Variants in ZNF518A observed in about 807,000 individuals in gnomAD.
The protein encoded by ZNF518A is zinc finger protein 518.
A neutral mutation model predicts 102.7 loss-of-function variants in ZNF518A; 47 were observed. The observed-to-expected ratio is 0.46, with a 90% CI of 0.36 to 0.58. The LOEUF is 0.58. Ranked by LOEUF, ZNF518A falls within the 20% of genes least tolerant of loss-of-function variation. ZNF518A has a pLI of 0.00. For synonymous variants in ZNF518A, 652 were observed against 594.6 expected (o/e 1.10, Z -1.40); for missense variants, 1,793 against 1,699.8 (o/e 1.05, Z -0.96).
At chr10:96,165,587 A>G (rs190288486), downstream of ZNF518A, among the ~76,000 whole-genome samples, 19 of 152,152 alleles carry the variant, frequency 1.2e-4, no homozygotes, top group African/African-American at 3.9e-4. Context: ...CATTTTTAGA[A>G]CTTTGTCCCC....
At position 96,156,348 on chromosome 10, in the gene ZNF518A, T is replaced by G; in HGVS notation, c.26T>G (p.Phe9Cys). The G allele has an allele frequency of 6.3e-7, 1 of 1,582,130 alleles. No homozygotes were observed. Among genetic ancestry groups the G allele is most frequent in the Non-Finnish European group, 8.6e-7 (1 of 1,169,416 alleles). ...ATGCCATCTGAACAGAAACAGTTAT[T>G]TTGTGATGAAAAACAAACTACTTTA... MPSEQKQL[F>C]CDEKQTTLKK... Residue 9 changes from phenylalanine to cysteine, a missense_variant, in exon 6 of 6, where the codon TTT becomes TGT. Physicochemically the swap from Phe to Cys is radical, Grantham distance 205. Transcript: ENST00000316045.
chr10:96,169,740 G>A (rs1554890706), intron 1 of ZNF518A, among the ~76,000 whole-genome samples: 2 of 152,002 alleles, frequency 1.3e-5, no homozygotes, highest in East Asian at 3.8e-4. Context: ...TTTTGTTGTT[G>A]AAGAATTTAA....
chr10:96,172,167 AAAAG>A (rs1235556152), intron 1 of ZNF518A, among the ~76,000 whole-genome samples: 12 of 149,038 alleles, frequency 8.1e-5, no homozygotes, highest in East Asian at 4.2e-4. Context: ...TTCACAGGAA[AAAAG>A]AAAGACATTA....
intron 3 of ZNF518A, among the ~76,000 whole-genome samples, chr10:96,150,791 G>GCC (rs2082414505): frequency 9.6e-6 from 1 of 104,624 alleles, no homozygotes; most frequent in Non-Finnish European, 1.7e-5. Context: ...CTGTCACTCA[G>GCC]CCTGGAGTGC....
In ZNF518A at chr10:96,146,363, A is replaced by T. The variant is rs1041955135; in HGVS notation, c.-301-8963A>T. Among the ~76,000 whole-genome samples, 3 of 152,204 alleles carry T rather than the reference A, an allele frequency of 2.0e-5. No homozygotes were observed. The South Asian group carries it at 6.2e-4, about 31-fold the overall frequency. ...TCCAGACTCTTTATGTATGTATTGCAAACTGTTCTTTATAAAGGTCATGCC... is the reference window on the plus strand; with the variant it reads ...TCCAGACTCTTTATGTATGTATTGCTAACTGTTCTTTATAAAGGTCATGCC... On this transcript the variant is annotated intron_variant, in intron 3 of 5. Transcript: ENST00000316045.
intron 3 of ZNF518A, 79 bp from the exon 4 acceptor site, chr10:96,155,247 A>G (rs1554881799): frequency 5.3e-5 from 8 of 152,186 alleles, no homozygotes; most frequent in Non-Finnish European, 1.2e-4. Context: ...ATATTTTTAC[A>G]TATATTTTCT....
chr10:96,186,765 A>G (rs1170696851), intron 1 of ZNF518A, among the ~76,000 whole-genome samples: 1 of 152,198 alleles, frequency 6.6e-6, no homozygotes, highest in Non-Finnish European at 1.5e-5. Flanking sequence ...AGTTCACACA[A>G]TCTGTTATTG....
At chr10:96,177,868 A>G (rs781967742) in intron 1 of ZNF518A, among the ~76,000 whole-genome samples, 1 of 152,126 alleles carries the variant, frequency 6.6e-6, no homozygotes, top group Non-Finnish European at 1.5e-5. Context: ...AAAAAATGAT[A>G]CTAGGGATAA....
At chr10:96,145,130 C>T (rs1227478404) in intron 3 of ZNF518A, among the ~76,000 whole-genome samples, 11 of 151,824 alleles carry the variant, frequency 7.2e-5, no homozygotes, top group African/African-American at 2.7e-4. Flanking sequence ...AGTGCAGTGG[C>T]GTAATCTCAG....
At chr10:96,146,992 A>C (rs782636494) in intron 3 of ZNF518A, among the ~76,000 whole-genome samples, 16 of 152,200 alleles carry the variant, frequency 1.1e-4, no homozygotes, top group Non-Finnish European at 2.1e-4. Context: ...AAGTCTAGGT[A>C]AATCATGAGT....
In ZNF518A at chr10:96,156,386, G is replaced by T; in HGVS notation, c.64G>T (p.Asp22Tyr). Residue 22 changes from aspartate to tyrosine, a missense_variant, in exon 6 of 6, where the codon GAT (aspartate) becomes TAT (tyrosine). Asp to Tyr is a radical substitution (Grantham distance 160, BLOSUM62 -3). Around this residue, in one of 3 missense-constraint regions of ZNF518A, gnomAD observed 1,741 missense variants for 1,622.6 expected, o/e 1.07. Transcript: ENST00000316045. ...EKQTTLKKDY[D>Y]VKNEIVDRSA... ...ACAAACTACTTTAAAAAAAGATTAT[G>T]ATGTGAAAAATGAGATAGTTGATAG... The T allele has an allele frequency of 6.2e-7, 1 of 1,603,052 alleles. No individual in the cohort carries two copies. Among genetic ancestry groups the T allele is most frequent in the South Asian group, 1.1e-5 (1 of 87,652 alleles).
At chr10:96,164,596 T>A (rs149706422), downstream of ZNF518A, among the ~76,000 whole-genome samples, 1 of 152,346 alleles carries the variant, frequency 6.6e-6, no homozygotes, top group East Asian at 1.9e-4. Flanking sequence ...AAGTCATCTT[T>A]GAGGTGCTTT....
chr10:96,171,686 A>G (rs587755906), intron 1 of ZNF518A, among the ~76,000 whole-genome samples: 26 of 152,314 alleles, frequency 1.7e-4, no homozygotes, highest in African/African-American at 5.8e-4. Context: ...GTAAGCACAC[A>G]TAGACACATG....
chr10:96,145,043 T>C (rs782546597), intron 3 of ZNF518A, among the ~76,000 whole-genome samples: 6 of 121,876 alleles, frequency 4.9e-5, no homozygotes, highest in Admixed American at 3.5e-4. Context: ...CCATTTGTTT[T>C]CGTATAAAAT....
intron 1 of ZNF518A, among the ~76,000 whole-genome samples, chr10:96,190,887 T>A (rs181115268): frequency 6.6e-6 from 1 of 152,328 alleles, no homozygotes; most frequent in East Asian, 1.9e-4. Flanking sequence ...TTGTGGGATA[T>A]TTCTCTAGGA....
chr10:96,197,350 G>A (rs1486737095), intron 1 of ZNF518A, among the ~76,000 whole-genome samples: 2 of 152,158 alleles, frequency 1.3e-5, no homozygotes, highest in African/African-American at 2.4e-5. Context: ...TGTTGCCCAG[G>A]CTGGTGTGCA....
Position 96,160,325 on chromosome 10 carries a change from A to G in ZNF518A, c.4003A>G (p.Lys1335Glu), listed in dbSNP as rs2133837478. 6.2e-7 allele frequency: 1 copy of G among 1,613,718 alleles called. No homozygotes were observed. Among genetic ancestry groups the G allele is most frequent in the Non-Finnish European group, 8.5e-7 (1 of 1,179,692 alleles). ...TTTGCGGCTTTTCCCTTTTAGTTCT[A>G]AACAGCTTGTGAAATGTCCTAGGAG... Reference protein sequence around the residue: ...RTLRLFPFSSKQLVKCPRRNQ... With the variant: ...RTLRLFPFSSEQLVKCPRRNQ... The change falls in exon 6 of 6, where the codon AAA (lysine) becomes GAA (glutamate). Residue 1335 changes from lysine (K) to glutamate (E), a missense_variant. Lys to Glu is a moderately conservative substitution (Grantham distance 56). Coordinates refer to ENST00000316045, the MANE Select transcript of ZNF518A (RefSeq NM_001330736.2).
chr10:96,138,535 A>G (rs1321340688), intron 3 of ZNF518A, among the ~76,000 whole-genome samples: 2 of 152,182 alleles, frequency 1.3e-5, no homozygotes, highest in Admixed American at 6.5e-5. Flanking sequence ...GGGCTCCCTG[A>G]CTTAATATGT....
At chr10:96,179,716 G>A (rs936917798) in intron 1 of ZNF518A, among the ~76,000 whole-genome samples, 15 of 151,802 alleles carry the variant, frequency 9.9e-5, no homozygotes, top group Non-Finnish European at 2.9e-5. Context: ...AATGTTCACT[G>A]GTTGAATGAA....
Sources: allele counts gnomAD v4.1 joint callset (sites outside exome capture counted in the v4.1 genomes callset), GRCh38; gene constraint gnomAD v4.1.1; regional missense constraint gnomAD v4.1.1; transcripts MANE v1.5; gene names NCBI Gene and HGNC (gene_info 2026-07-23, HGNC 2026-07-21).